The following SYNPR variants were observed in gnomAD, a reference collection of about 807,000 sequenced individuals.
SYNPR encodes the protein synaptoporin.
SYNPR carries 23 observed loss-of-function variants against 32.9 expected under a neutral mutation model. The ratio of observed to expected loss-of-function variants is 0.70; its 90% confidence interval spans 0.50 to 0.99. SYNPR has a LOEUF of 0.99. SYNPR is among the 50% of genes least tolerant of loss of function. The pLI, the probability that SYNPR is intolerant of heterozygous loss-of-function variation, is 0.00. For synonymous variants in SYNPR, 146 were observed against 135.9 expected (o/e 1.07, Z -0.52); for missense variants, 318 against 349.3 (o/e 0.91, Z 0.71).
At chr3:63,462,700 A>G (rs770519304) in intron 2 of SYNPR, among the ~76,000 whole-genome samples, 7 of 152,188 alleles carry the variant, frequency 4.6e-5, no homozygotes, top group Admixed American at 3.3e-4. Flanking sequence ...CTTTGGAATG[A>G]TGATATCCTC....
intron 3 of SYNPR, among the ~76,000 whole-genome samples, chr3:63,481,169 T>A (rs940091958): frequency 7.1e-6 from 1 of 140,736 alleles, no homozygotes. Context: ...CAGAACTGAC[T>A]CTCCTCAAAA....
intron 2 of SYNPR, among the ~76,000 whole-genome samples, chr3:63,398,685 C>G (rs2088250671): frequency 6.6e-6 from 1 of 151,398 alleles, no homozygotes; most frequent in African/African-American, 2.4e-5. Context: ...CACCACTGTA[C>G]TCCAGCCTGG....
intron 2 of SYNPR, among the ~76,000 whole-genome samples, chr3:63,401,086 A>T (rs1330625324): frequency 6.6e-6 from 1 of 151,784 alleles, no homozygotes; most frequent in Non-Finnish European, 1.5e-5. Context: ...CTCGAGAGGG[A>T]GGTGGTTTAC....
intron 2 of SYNPR, among the ~76,000 whole-genome samples, chr3:63,331,555 C>T (rs910884300): frequency 3.9e-5 from 6 of 152,072 alleles, no homozygotes; most frequent in Non-Finnish European, 8.8e-5. Context: ...TTTATACTAA[C>T]GCTTTGAAGC....
chr3:63,423,710 T>C (rs563749596), intron 2 of SYNPR: 1 of 152,374 alleles, frequency 6.6e-6, no homozygotes, highest in East Asian at 1.9e-4. Context: ...AGGTCAAAGC[T>C]GTTTCTGTTA....
chr3:63,267,932 A>T (rs1457229613), intron 3 of SYNPR, among the ~76,000 whole-genome samples: 1 of 152,232 alleles, frequency 6.6e-6, no homozygotes, highest in Non-Finnish European at 1.5e-5. Context: ...GAAAAAAAGC[A>T]ACTTGTTCAG....
chr3:63,427,505 T>G (rs928611782), intron 2 of SYNPR: 2 of 152,190 alleles, frequency 1.3e-5, no homozygotes, highest in Admixed American at 1.3e-4. Context: ...TCAGGATAGC[T>G]CAGGTAAGCC....
chr3:63,349,169 C>G (rs924278849), intron 2 of SYNPR, among the ~76,000 whole-genome samples: 3 of 151,836 alleles, frequency 2.0e-5, no homozygotes, highest in African/African-American at 7.3e-5. Flanking sequence ...GTGGCAAGAT[C>G]TTGGCTCACT....
At chr3:63,234,743 A>G (rs1204344945) in intron 1 of SYNPR, among the ~76,000 whole-genome samples, 1 of 152,190 alleles carries the variant, frequency 6.6e-6, no homozygotes, top group Admixed American at 6.6e-5. Context: ...AGAAAGTAGC[A>G]TGTTCTGCTC....
intron 2 of SYNPR, among the ~76,000 whole-genome samples, chr3:63,388,487 A>C (rs1404780419): frequency 6.8e-6 from 1 of 146,994 alleles, no homozygotes; most frequent in East Asian, 2.0e-4. Flanking sequence ...TCCTGGGTTC[A>C]AGCGATTCTC....
At chr3:63,473,449 A>G (rs13088837) in intron 2 of SYNPR, among the ~76,000 whole-genome samples, 43,455 of 152,046 alleles carry the variant, frequency 0.29, 6,472 homozygotes, top group East Asian at 0.43. Flanking sequence ...AGGGAGCACC[A>G]ACTTCATGCC....
At chr3:63,298,597 G>A (rs2086814204) in intron 2 of SYNPR, among the ~76,000 whole-genome samples, 1 of 152,094 alleles carries the variant, frequency 6.6e-6, no homozygotes, top group African/African-American at 2.4e-5. Context: ...GGACAAAAAG[G>A]TACACAGTAA....
At chr3:63,377,346 G>A (rs1371065316) in intron 2 of SYNPR, among the ~76,000 whole-genome samples, 1 of 152,044 alleles carries the variant, frequency 6.6e-6, no homozygotes, top group Non-Finnish European at 1.5e-5. Flanking sequence ...TACAGTTCTA[G>A]GTTTAAGAGG....
intron 2 of SYNPR, among the ~76,000 whole-genome samples, chr3:63,464,606 C>G (rs1700645073): frequency 6.6e-6 from 1 of 152,126 alleles, no homozygotes; most frequent in African/African-American, 2.4e-5. Flanking sequence ...CTTCTTATCT[C>G]TTAGAGAAAG....
At chr3:63,500,554 T>G (rs553112351) in intron 3 of SYNPR, among the ~76,000 whole-genome samples, 1 of 152,296 alleles carries the variant, frequency 6.6e-6, no homozygotes, top group South Asian at 2.1e-4. Context: ...TATATGACAG[T>G]GCTTATTATG....
At chr3:63,418,546 A>C (rs1468313635) in intron 2 of SYNPR, among the ~76,000 whole-genome samples, 1 of 152,218 alleles carries the variant, frequency 6.6e-6, no homozygotes. Context: ...TGATAAAGAC[A>C]TACCCAAGAC....
At chr3:63,424,237 T>C (rs1420015903) in intron 2 of SYNPR, among the ~76,000 whole-genome samples, 2 of 152,216 alleles carry the variant, frequency 1.3e-5, no homozygotes, top group Non-Finnish European at 1.5e-5. Flanking sequence ...CTTGCAACTT[T>C]TCTGTAAATC....
At chr3:63,290,175 C>T (rs4688390) in intron 2 of SYNPR, among the ~76,000 whole-genome samples, 68,194 of 150,632 alleles carry the variant, frequency 0.45, 15,623 homozygotes, top group Middle Eastern at 0.52. Context: ...ATTAAGGCCT[C>T]AAGAGATCCC....
intron 2 of SYNPR, among the ~76,000 whole-genome samples, chr3:63,299,857 C>G (rs1396385100): frequency 6.6e-6 from 1 of 152,064 alleles, no homozygotes; most frequent in Non-Finnish European, 1.5e-5. Flanking sequence ...AATTGAAAAC[C>G]TAGCACAAAT....
Sources: gnomAD v4.1 joint callset for allele counts (sites outside exome capture counted in the v4.1 genomes callset) on GRCh38, gnomAD v4.1.1 for gene constraint, MANE v1.5 for transcripts, NCBI Gene and HGNC (gene_info 2026-07-23, HGNC 2026-07-21) for gene names.